Variants in RANBP17 observed in about 807,000 individuals in gnomAD.
RANBP17 encodes the protein RAN binding protein 17, also known as ran-binding protein 17.
In RANBP17, 158 loss-of-function variants were observed where a neutral mutation model predicts 141.2. That is an observed-to-expected ratio of 1.12 (90% CI 0.98 to 1.28). The LOEUF (loss-of-function observed/expected upper bound fraction) is 1.28, where lower values mean the gene tolerates loss of function less well. Among genes scored for constraint, RANBP17 ranks in the 50% most tolerant of loss-of-function variants. The probability of loss-of-function intolerance (pLI) is 0.00; values close to 1 mark genes in which losing one functional copy is unlikely to be tolerated. For synonymous variants in RANBP17, 430 were observed against 450.0 expected, an observed-to-expected ratio of 0.96 and a Z score of 0.56; for missense variants, 1,438 against 1,290.7, an observed-to-expected ratio of 1.11 and a Z score of -1.75.
chr5:170,901,283 C>T (rs535414480), intron 5 of RANBP17, among the ~76,000 whole-genome samples: 16 of 152,222 alleles, frequency 1.1e-4, no homozygotes, highest in South Asian at 4.2e-4. Flanking sequence ...TTGTCTCCTT[C>T]GATCTTTGTT....
At chr5:170,957,027 G>A (rs1775764975) in intron 13 of RANBP17, among the ~76,000 whole-genome samples, 1 of 150,998 alleles carries the variant, frequency 6.6e-6, no homozygotes, top group Admixed American at 6.6e-5. Flanking sequence ...CCGAGATCGT[G>A]CCACTGCACC....
intron 5 of RANBP17, chr5:170,897,312 G>A: frequency 1.5e-5 from 9 of 610,312 alleles, no homozygotes; most frequent in South Asian, 1.3e-4. Context: ...CATTCCGTGG[G>A]AGGAGAATCA....
chr5:171,171,271 A>G lies in RANBP17; in HGVS notation c.1850A>G (p.Asn617Ser), dbSNP rs757261125. 3.8e-6 allele frequency: 6 copies of G among 1,589,862 alleles called. No individual in the cohort carries two copies. The East Asian group carries it at 1.3e-4, about 36-fold the overall frequency. The change falls in exon 16 of 28, where the codon AAT (asparagine) becomes AGT (serine). Residue 617 changes from asparagine (N) to serine (S), a missense_variant. Physicochemically the swap from Asn to Ser is conservative, Grantham distance 46. Coordinates refer to ENST00000523189, the MANE Select transcript of RANBP17 (RefSeq NM_022897.5). Reference sequence around the variant, plus strand: ...ATTTCAAGGACTCTTCAGTTCCTAAATGACCTTTCTGTTGGATATCCTTTT... The same window carrying G: ...ATTTCAAGGACTCTTCAGTTCCTAAGTGACCTTTCTGTTGGATATCCTTTT... ...PVISRTLQFL[N>S]DLSVGYILLK...
At chr5:171,163,153 T>C (rs1290787904) in intron 14 of RANBP17, among the ~76,000 whole-genome samples, 1 of 152,206 alleles carries the variant, frequency 6.6e-6, no homozygotes, top group East Asian at 1.9e-4. Flanking sequence ...GGTTTTAAAA[T>C]CAAATTCTGG....
At chr5:170,930,737 A>G (rs1274658841) in intron 12 of RANBP17, among the ~76,000 whole-genome samples, 1 of 152,160 alleles carries the variant, frequency 6.6e-6, no homozygotes, top group Non-Finnish European at 1.5e-5. Context: ...AAAGGACATG[A>G]ACTTGTCCTT....
At chr5:171,149,446 G>A (rs528343948) in intron 14 of RANBP17, among the ~76,000 whole-genome samples, 2 of 152,240 alleles carry the variant, frequency 1.3e-5, no homozygotes, top group East Asian at 3.9e-4. Context: ...TACTGTATCA[G>A]CCTCCTTCTA....
intron 9 of RANBP17, 45 bp downstream of exon 9, chr5:170,916,629 T>C: frequency 7.6e-7 from 1 of 1,319,312 alleles, no homozygotes. Context: ...AGATACAGTT[T>C]TTCAGCTAAA....
intron 25 of RANBP17, among the ~76,000 whole-genome samples, chr5:171,283,533 T>C (rs951793728): frequency 5.9e-5 from 9 of 152,204 alleles, no homozygotes; most frequent in Admixed American, 5.9e-4. Context: ...ATAAAAACTC[T>C]CAAATCTGAA....
intron 1 of RANBP17, among the ~76,000 whole-genome samples, chr5:170,875,449 A>T (rs1366518982): frequency 6.6e-6 from 1 of 152,172 alleles, no homozygotes; most frequent in African/African-American, 2.4e-5. Flanking sequence ...TCTTTCAGGT[A>T]CTTCAATCAG....
intron 3 of RANBP17, among the ~76,000 whole-genome samples, chr5:170,887,951 T>C (rs897667888): frequency 6.6e-6 from 1 of 152,226 alleles, no homozygotes; most frequent in African/African-American, 2.4e-5. Flanking sequence ...ACTCATCTCT[T>C]AAAGATCCTG....
At chr5:170,997,075 TAGTG>T (rs1237560374) in intron 14 of RANBP17, among the ~76,000 whole-genome samples, 2 of 152,156 alleles carry the variant, frequency 1.3e-5, no homozygotes, top group East Asian at 1.9e-4. Flanking sequence ...GTTCTCGTGA[TAGTG>T]AGTGAGTTCT....
chr5:171,283,784 A>G (rs1767997417), intron 25 of RANBP17, among the ~76,000 whole-genome samples: 1 of 152,166 alleles, frequency 6.6e-6, no homozygotes, highest in Non-Finnish European at 1.5e-5. Flanking sequence ...AATAAACTCT[A>G]ACTGAGGCCA....
At chr5:171,075,326 T>G (rs1784853006) in intron 14 of RANBP17, among the ~76,000 whole-genome samples, 2 of 152,186 alleles carry the variant, frequency 1.3e-5, no homozygotes, top group Non-Finnish European at 2.9e-5. Flanking sequence ...AAAGACCATA[T>G]CTTCTTTTCT....
intron 21 of RANBP17, among the ~76,000 whole-genome samples, chr5:171,215,114 C>T (rs561154137): frequency 6.6e-6 from 1 of 150,936 alleles, no homozygotes; most frequent in East Asian, 2.0e-4. Context: ...TCCATGTGAT[C>T]TCATTGTTCA....
chr5:171,300,002 C>G lies in RANBP17; in HGVS notation c.*1144C>G, dbSNP rs1198725184. The G allele has an allele frequency of 1.6e-5, 3 of 185,188 alleles. No individual in the cohort carries two copies. The East Asian group carries it at 2.6e-4, about 16-fold the overall frequency. 11.5% of individuals were successfully genotyped at this position (185,188 alleles called of 1,614,324 possible). A position where few individuals can be genotyped will look rare whatever the true frequency, so the allele number is the denominator to read the frequency against. The stretch of plus-strand genomic sequence containing the variant: ...GAACAATAAGTAAATCCACAGGCTC[C>G]TGTTGTAATCTCATTTCTCAGACTC... On this transcript the variant is annotated 3_prime_UTR_variant, in exon 28 of 28. Coordinates refer to ENST00000523189, the MANE Select transcript of RANBP17 (RefSeq NM_022897.5).
chr5:170,928,143 A>G (rs1437395158), intron 12 of RANBP17, among the ~76,000 whole-genome samples: 1 of 151,920 alleles, frequency 6.6e-6, no homozygotes, highest in Non-Finnish European at 1.5e-5. Flanking sequence ...CTTTTTTGCC[A>G]CTTGTATTTC....
intron 24 of RANBP17, among the ~76,000 whole-genome samples, chr5:171,244,406 T>C (rs982860427): frequency 6.6e-6 from 1 of 152,106 alleles, no homozygotes; most frequent in Non-Finnish European, 1.5e-5. Context: ...GTATTTGTTT[T>C]CATTTTAGAC....
intron 23 of RANBP17, among the ~76,000 whole-genome samples, chr5:171,241,438 C>T (rs1764872216): frequency 6.6e-6 from 1 of 151,958 alleles, no homozygotes; most frequent in African/African-American, 2.4e-5. Flanking sequence ...TGCTCCCACT[C>T]AAGGTTACAA....
chr5:170,940,945 A>G (rs1774277422), intron 12 of RANBP17, among the ~76,000 whole-genome samples: 1 of 152,134 alleles, frequency 6.6e-6, no homozygotes, highest in African/African-American at 2.4e-5. Context: ...TGGTTAAAAA[A>G]AAACTAAATT....
Sources: allele counts gnomAD v4.1 joint callset (sites outside exome capture counted in the v4.1 genomes callset), GRCh38; gene constraint gnomAD v4.1.1; transcripts MANE v1.5; gene names NCBI Gene and HGNC (gene_info 2026-07-23, HGNC 2026-07-21).